Variants in TNRC6A observed in about 807,000 individuals in gnomAD.
The protein encoded by TNRC6A is trinucleotide repeat-containing gene 6A protein.
Under a neutral mutation model 221.2 loss-of-function variants are expected in TNRC6A, and 44 were observed. The observed-to-expected ratio is 0.20, with a 90% confidence interval of 0.16 to 0.26. The LOEUF (loss-of-function observed/expected upper bound fraction) is 0.26, where lower values mean the gene tolerates loss of function less well. Among genes scored for constraint, TNRC6A ranks in the 10% least tolerant of loss-of-function variants. TNRC6A has a pLI of 1.00. For synonymous variants in TNRC6A, 847 were observed against 838.5 expected (o/e 1.01, Z -0.18); for missense variants, 2,199 against 2,404.4 (o/e 0.91, Z 1.79).
At chr16:24,743,947 C>T (rs936817589) in intron 2 of TNRC6A, among the ~76,000 whole-genome samples, 7 of 152,156 alleles carry the variant, frequency 4.6e-5, no homozygotes, top group East Asian at 1.9e-4. Context: ...TAGAGCCAAA[C>T]GAAATCTATT....
intron 4 of TNRC6A, among the ~76,000 whole-genome samples, chr16:24,760,741 T>C (rs1448696308): frequency 1.3e-5 from 2 of 152,208 alleles, no homozygotes; most frequent in East Asian, 1.9e-4. Context: ...CTTTGTATTT[T>C]GGAATAATTT....
intron 2 of TNRC6A, among the ~76,000 whole-genome samples, chr16:24,649,974 C>T (rs945008408): frequency 1.3e-5 from 2 of 151,882 alleles, no homozygotes; most frequent in African/African-American, 4.8e-5. Flanking sequence ...CAGGCATGCG[C>T]AACCAAGCCC....
chr16:24,725,204 C>G (rs1421459463), upstream of TNRC6A, among the ~76,000 whole-genome samples: 1 of 152,158 alleles, frequency 6.6e-6, no homozygotes, highest in Admixed American at 6.5e-5. Context: ...AGGTCTCACT[C>G]TGTCACCCAG....
intron 3 of TNRC6A, among the ~76,000 whole-genome samples, chr16:24,753,809 A>T (rs1367044238): frequency 6.6e-6 from 1 of 152,238 alleles, no homozygotes; most frequent in East Asian, 1.9e-4. Context: ...TTTTTGAAAA[A>T]GGCCAGATAT....
chr16:24,812,877 C>CT (rs71383720), intron 18 of TNRC6A, among the ~76,000 whole-genome samples: 5,056 of 74,968 alleles, frequency 0.067, 466 homozygotes, highest in East Asian at 0.25. Flanking sequence ...ACCTCTTGGG[C>CT]TTTTTTTTTT....
intron 17 of TNRC6A, among the ~76,000 whole-genome samples, chr16:24,808,489 C>T (rs769949320): frequency 9.9e-5 from 15 of 152,186 alleles, no homozygotes; most frequent in African/African-American, 1.2e-4. Context: ...ATGGAGACAC[C>T]GGGACCATGT....
chr16:24,638,440 C>T (rs1175811601), intron 1 of TNRC6A, among the ~76,000 whole-genome samples: 2 of 151,782 alleles, frequency 1.3e-5, no homozygotes, highest in South Asian at 2.1e-4. Context: ...AGGATGGGCA[C>T]GGTGGCTCAT....
intron 4 of TNRC6A, among the ~76,000 whole-genome samples, chr16:24,762,359 G>A (rs1204886550): frequency 6.6e-6 from 1 of 152,144 alleles, no homozygotes; most frequent in Non-Finnish European, 1.5e-5. Context: ...AAATCATATT[G>A]TAGACATTAT....
chr16:24,613,197 T>G (rs1188311636), intron 1 of TNRC6A, among the ~76,000 whole-genome samples: 2 of 146,418 alleles, frequency 1.4e-5, no homozygotes, highest in South Asian at 4.3e-4. Flanking sequence ...GGGGACAGAG[T>G]TGGTCAAAAG....
intron 1 of TNRC6A, among the ~76,000 whole-genome samples, chr16:24,627,510 T>G (rs1436406446): frequency 2.0e-5 from 3 of 152,004 alleles, no homozygotes; most frequent in Admixed American, 2.0e-4. Flanking sequence ...TCGCTCTTAA[T>G]ATTTGTTTAC....
intron 2 of TNRC6A, among the ~76,000 whole-genome samples, chr16:24,713,943 G>A (rs1225819610): frequency 6.6e-6 from 1 of 152,156 alleles, no homozygotes; most frequent in Non-Finnish European, 1.5e-5. Flanking sequence ...AGCGCACTTG[G>A]CCATTAATCA....
chr16:24,815,218 TCAC>T lies in TNRC6A; in HGVS notation c.4747_4749del (p.Pro1583del). 2 of 1,613,492 alleles carry T rather than the reference TCAC, an allele frequency of 1.2e-6. No homozygotes were observed. The highest frequency in any genetic ancestry group is 4.5e-5 in the East Asian group (2 of 44,888). On this transcript the variant is annotated inframe_deletion, in exon 19 of 25. Coordinates refer to ENST00000395799, the MANE Select transcript of TNRC6A (RefSeq NM_014494.4). ...CTATGACTTTATGAACAGCAGTACT[TCAC>T]CAGCCAGTCCTCCAGGTTCAATAGG...
At position 24,789,843 on chromosome 16, in the gene TNRC6A, A is replaced by T; in HGVS notation, c.1201A>T (p.Met401Leu). 6.2e-7 allele frequency: 1 copy of T among 1,614,202 alleles called. No homozygotes were observed. The highest frequency in any genetic ancestry group is 1.1e-5 in the South Asian group (1 of 91,084). The change falls in exon 6 of 25, where the codon ATG becomes TTG. Residue 401 changes from methionine to leucine, a missense_variant. By Grantham distance (15) the Met-to-Leu change is conservative (BLOSUM62 2). This residue lies in a region of TNRC6A where 1,405 missense variants were observed against 1,400.2 expected (regional missense o/e 1.00). Transcript: ENST00000395799. The part of the protein sequence containing the change: ...INIQCSTIGQ[M>L]PNNQSINSKV... ...TATTCAGTGCAGTACTATAGGCCAG[A>T]TGCCTAACAATCAGAGTATTAACTC...
intron 2 of TNRC6A, among the ~76,000 whole-genome samples, chr16:24,715,613 TTTTTTTTTC>T (rs2056298269): frequency 6.7e-6 from 1 of 149,788 alleles, no homozygotes; most frequent in South Asian, 2.1e-4. Flanking sequence ...TTCTTTTTTT[TTTTTTTTTC>T]TTTTTTTTTA....
At chr16:24,786,858 T>C (rs2057983546) in intron 5 of TNRC6A, among the ~76,000 whole-genome samples, 1 of 152,112 alleles carries the variant, frequency 6.6e-6, no homozygotes, top group South Asian at 2.1e-4. Flanking sequence ...ATTTTTTGTA[T>C]TTTTAGTAGA....
rs540033517 is a variant in TNRC6A at position 24,822,252 on chromosome 16, G to A, written c.5373+105G>A. ...AGGGCTGCTAGGTGGTAGTGAAGCCGAGCAGAGGAAACAGCAGAGGAGTGG... is the reference window on the plus strand; with the variant it reads ...AGGGCTGCTAGGTGGTAGTGAAGCCAAGCAGAGGAAACAGCAGAGGAGTGG... On this transcript the variant is annotated intron_variant, in intron 23 of 24. Coordinates refer to ENST00000395799, the MANE Select transcript of TNRC6A (RefSeq NM_014494.4). 1,515 of 1,112,138 alleles carry A rather than the reference G, an allele frequency of 1.4e-3. 5 individuals are homozygous for A. Among genetic ancestry groups the A allele is most frequent in the Non-Finnish European group, 1.8e-3 (1,332 of 751,486 alleles). The allele number at this position is 1,112,138 out of a possible 1,614,324, so 68.9% of individuals were successfully genotyped here. A position where few individuals can be genotyped will look rare whatever the true frequency, so the allele number is the denominator to read the frequency against.
At chr16:24,813,160 A>G (rs1475777426) in intron 18 of TNRC6A, among the ~76,000 whole-genome samples, 1 of 152,126 alleles carries the variant, frequency 6.6e-6, no homozygotes, top group African/African-American at 2.4e-5. Flanking sequence ...TATAGGCGTG[A>G]GCCACCATGC....
chr16:24,769,180 GT>G (rs1010283960), intron 4 of TNRC6A, among the ~76,000 whole-genome samples: 6 of 151,916 alleles, frequency 3.9e-5, no homozygotes, highest in Non-Finnish European at 8.8e-5. Flanking sequence ...TTTTAAAACA[GT>G]TTTAGACTTA....
chr16:24,757,494 G>T (rs867547268), intron 3 of TNRC6A, among the ~76,000 whole-genome samples: 1 of 152,042 alleles, frequency 6.6e-6, no homozygotes, highest in African/African-American at 2.4e-5. Flanking sequence ...TCCTGTTCTT[G>T]TATCTGTTAT....
Sources: allele counts gnomAD v4.1 joint callset (sites outside exome capture counted in the v4.1 genomes callset), GRCh38; gene constraint gnomAD v4.1.1; regional missense constraint gnomAD v4.1.1; transcripts MANE v1.5; gene names NCBI Gene and HGNC (gene_info 2026-07-23, HGNC 2026-07-21).